FBXL2: variants seen among roughly 807,000 people sequenced by gnomAD.
FBXL2 encodes the protein F-box/LRR-repeat protein 2.
A neutral mutation model predicts 69.2 loss-of-function variants in FBXL2; 38 were observed. The ratio of observed to expected loss-of-function variants is 0.55; its 90% confidence interval spans 0.42 to 0.72. The LOEUF is 0.72. FBXL2 is among the 30% of genes least tolerant of loss of function. FBXL2 has a pLI of 0.00. For missense variants in FBXL2, 354 were observed against 520.3 expected (o/e 0.68, Z 3.11); for synonymous variants, 192 against 201.3 (o/e 0.95, Z 0.39).
chr3:33,401,061 A>G (rs1426998371), intron 12 of FBXL2: 30 of 1,532,580 alleles, frequency 2.0e-5, no homozygotes, highest in Non-Finnish European at 2.4e-5. Flanking sequence ...TTTATAATAC[A>G]TATATGTTTT....
intron 2 of FBXL2, among the ~76,000 whole-genome samples, chr3:33,314,609 A>G (rs987135076): frequency 7.2e-5 from 11 of 152,192 alleles, no homozygotes; most frequent in African/African-American, 1.2e-4. Context: ...GGTACTTTCA[A>G]TGGATCTTTT....
At chr3:33,278,365 C>G (rs2033558575) in intron 1 of FBXL2, 1 of 152,160 alleles carries the variant, frequency 6.6e-6, no homozygotes, top group Admixed American at 6.6e-5. Flanking sequence ...TGCTTGGGGA[C>G]ACACCCTTGG....
chr3:33,304,503 G>C (rs554841429), intron 2 of FBXL2, among the ~76,000 whole-genome samples: 1 of 151,932 alleles, frequency 6.6e-6, no homozygotes, highest in African/African-American at 2.4e-5. Context: ...CATTTTTACT[G>C]CTGTATAATA....
chr3:33,283,249 T>C (rs1409194164), intron 1 of FBXL2, among the ~76,000 whole-genome samples: 4 of 152,236 alleles, frequency 2.6e-5, no homozygotes, highest in Non-Finnish European at 5.9e-5. Context: ...TGAGAGTTTT[T>C]AGCAAGAAGG....
downstream of FBXL2, among the ~76,000 whole-genome samples, chr3:33,404,140 C>T (rs1015371613): frequency 5.3e-5 from 8 of 152,194 alleles, no homozygotes; most frequent in African/African-American, 9.6e-5. Flanking sequence ...AGGCCGGGCG[C>T]GGTGGCTCAC....
intron 2 of FBXL2, among the ~76,000 whole-genome samples, chr3:33,347,709 T>TCTGA (rs2040547866): frequency 6.6e-6 from 1 of 152,138 alleles, no homozygotes; most frequent in Admixed American, 6.5e-5. Context: ...TGGATATAAG[T>TCTGA]CATTTTAACT....
At chr3:33,395,821 T>C (rs2043968769) in intron 12 of FBXL2, among the ~76,000 whole-genome samples, 1 of 148,608 alleles carries the variant, frequency 6.7e-6, no homozygotes, top group African/African-American at 2.5e-5. Context: ...GCTGCCAGTG[T>C]TATATTCATC....
intron 2 of FBXL2, among the ~76,000 whole-genome samples, chr3:33,325,730 A>T (rs948593294): frequency 4.6e-5 from 7 of 152,268 alleles, no homozygotes; most frequent in Middle Eastern, 3.4e-3. Context: ...ATGTTTTTTT[A>T]AAAAAATTTA....
At chr3:33,292,838 GC>G (rs899721138) in intron 1 of FBXL2, among the ~76,000 whole-genome samples, 59 of 152,162 alleles carry the variant, frequency 3.9e-4, no homozygotes, top group African/African-American at 1.3e-3. Flanking sequence ...AGCTGGGTTG[GC>G]TATACTAATA....
the FBXL2 span, among the ~76,000 whole-genome samples, chr3:33,413,813 C>T: frequency 2.6e-4 from 40 of 152,230 alleles, no homozygotes; most frequent in Non-Finnish European, 5.0e-4. Context: ...AAGCAATTAC[C>T]CAGCACCCAC....
downstream of FBXL2, chr3:33,390,089 C>T (rs574029826): frequency 6.8e-4 from 319 of 471,768 alleles, 4 homozygotes; most frequent in Admixed American, 0.011. Flanking sequence ...ATGCCTGCAC[C>T]GTGGCCTCCA....
chr3:33,381,705 A>G (rs1275686728), intron 13 of FBXL2, among the ~76,000 whole-genome samples: 1 of 151,936 alleles, frequency 6.6e-6, no homozygotes, highest in Non-Finnish European at 1.5e-5. Flanking sequence ...TTCTCATTCC[A>G]TTTTATTGTA....
chr3:33,338,546 C>T (rs539924769), intron 2 of FBXL2, among the ~76,000 whole-genome samples: 11 of 152,162 alleles, frequency 7.2e-5, no homozygotes, highest in East Asian at 5.8e-4. Flanking sequence ...GCTACAATAA[C>T]GAAAACAGCA....
In FBXL2 at chr3:33,386,464, G is replaced by A. The variant is rs2043440600; in HGVS notation, c.*856G>A. 1 of 152,040 alleles carries A rather than the reference G, an allele frequency of 6.6e-6. No homozygotes were observed. The highest frequency in any genetic ancestry group is 6.6e-5 in the Admixed American group (1 of 15,258). 9.4% of individuals were successfully genotyped at this position (152,040 alleles called of 1,614,324 possible). ...TATAATCAATTAGAAGTAATGAATG[G>A]ATGCATGTAAAATGGATGTGATTTT... On this transcript the variant is annotated 3_prime_UTR_variant, in exon 15 of 15. Coordinates refer to ENST00000484457, the MANE Select transcript of FBXL2 (RefSeq NM_012157.5).
At chr3:33,280,712 C>G (rs1419905769) in intron 1 of FBXL2, among the ~76,000 whole-genome samples, 7 of 87,336 alleles carry the variant, frequency 8.0e-5, no homozygotes, top group Admixed American at 1.6e-4. Flanking sequence ...GGCCCTGTAT[C>G]CAAAAAAAAA....
chr3:33,313,615 G>GTTTT (rs766273521), intron 2 of FBXL2, among the ~76,000 whole-genome samples: 31,572 of 147,466 alleles, frequency 0.21, 3,988 homozygotes, highest in East Asian at 0.47. Context: ...TCAGATAATT[G>GTTTT]TTTTATTTTT....
chr3:33,400,244 T>A (rs752380867), intron 12 of FBXL2: 1 of 1,601,752 alleles, frequency 6.2e-7, no homozygotes, highest in South Asian at 1.1e-5. Flanking sequence ...TGAGCAGCCA[T>A]TGCTGTGTTT....
chr3:33,279,807 T>C (rs1044332800), intron 1 of FBXL2, among the ~76,000 whole-genome samples: 1 of 152,106 alleles, frequency 6.6e-6, no homozygotes, highest in Non-Finnish European at 1.5e-5. Context: ...TCGTAAATGA[T>C]CACAACAACC....
At chr3:33,364,867 T>G (rs1022803111) in intron 5 of FBXL2, 148 bp downstream of exon 5, 45 of 726,722 alleles carry the variant, frequency 6.2e-5, no homozygotes, top group African/African-American at 5.7e-4. Flanking sequence ...GACTTTGGAA[T>G]AGCAAACCTG....
Sources: allele counts gnomAD v4.1 joint callset (sites outside exome capture counted in the v4.1 genomes callset), GRCh38; gene constraint gnomAD v4.1.1; transcripts MANE v1.5; gene names NCBI Gene and HGNC (gene_info 2026-07-23, HGNC 2026-07-21).